The following ZNF189 variants were observed in gnomAD, a reference collection of about 807,000 sequenced individuals.
ZNF189 encodes the protein zinc finger protein 189.
In ZNF189, 33 loss-of-function variants were observed where a neutral mutation model predicts 53.5. That is an observed-to-expected ratio of 0.62 (90% CI 0.47 to 0.82). The LOEUF (loss-of-function observed/expected upper bound fraction) is 0.82. Ranked by LOEUF, ZNF189 falls within the 40% of genes least tolerant of loss-of-function variation. The pLI, the probability that ZNF189 is intolerant of heterozygous loss-of-function variation, is 0.00. For missense variants in ZNF189, 711 were observed against 753.9 expected (o/e 0.94, Z 0.67); for synonymous variants, 247 against 238.8 (o/e 1.03, Z -0.32).
Position 101,408,937 on chromosome 9 carries a change from A to G in ZNF189, c.1169A>G (p.His390Arg), listed in dbSNP as rs1165930358. 1 of 1,614,094 alleles carries G rather than the reference A, an allele frequency of 6.2e-7. No homozygotes were observed. The highest frequency in any genetic ancestry group is 1.1e-5 in the South Asian group (1 of 91,058). ...SFSQLCNLTRHQRIHTGDKPH... is the reference protein window; with the variant it reads ...SFSQLCNLTRRQRIHTGDKPH... Reference sequence around the variant, plus strand: ...AGTCAGCTTTGCAACCTTACTCGTCATCAGAGAATTCACACAGGAGACAAG... The same window carrying G: ...AGTCAGCTTTGCAACCTTACTCGTCGTCAGAGAATTCACACAGGAGACAAG... The change falls in exon 3 of 3, where the codon CAT becomes CGT. Residue 390 changes from histidine (H) to arginine (R), a missense_variant. Coordinates refer to ENST00000339664, the MANE Select transcript of ZNF189 (RefSeq NM_003452.4).
chr9:101,407,867 C>G, intron 2 of ZNF189, 62 bp from the exon 3 acceptor site: 1 of 1,434,664 alleles, frequency 7.0e-7, no homozygotes, highest in African/African-American at 1.4e-5. Context: ...GCCCATCTTA[C>G]TTTGTTTCTC....
At position 101,399,180 on chromosome 9, in the gene ZNF189, G is replaced by T; in HGVS notation, c.24G>T (p.Pro8=). MASPSPP[P]ESKGLLTFED... ...AGATGGCTTCCCCGAGCCCCCCGCC[G>T]GAGTCGAAGGTAAGTAAGCACCCCC... is the stretch of plus-strand genomic sequence containing the variant. The change falls in exon 1 of 3, where the codon CCG becomes CCT. Residue 8 remains proline (P), a synonymous_variant. Transcript: ENST00000339664. 6.3e-7 allele frequency: 1 copy of T among 1,591,708 alleles called. No homozygotes were observed. The highest frequency in any genetic ancestry group is 1.1e-5 in the South Asian group (1 of 89,774).
rs951309327 is a variant in ZNF189, at chr9:101,409,492, A to G, written c.1724A>G (p.Lys575Arg). Residue 575 changes from lysine (K) to arginine (R), a missense_variant, in exon 3 of 3, where the codon AAA becomes AGA. Coordinates refer to ENST00000339664, the MANE Select transcript of ZNF189 (RefSeq NM_003452.4). ...CCTTATAAGTGTGAGAAGTGCGACA[A>G]AAGTTTCAGTCAACAGCGCAGTCTT... ...EKPYKCEKCD[K>R]SFSQQRSLVN... The G allele has an allele frequency of 1.2e-6, 2 of 1,614,132 alleles. No homozygotes were observed. Among genetic ancestry groups the G allele is most frequent in the Non-Finnish European group, 1.7e-6 (2 of 1,180,016 alleles).
At position 101,409,400 on chromosome 9, in the gene ZNF189, A is replaced by C. The variant is rs142136220; in HGVS notation, c.1632A>C (p.Glu544Asp). The C allele has an allele frequency of 1.2e-6, 2 of 1,614,082 alleles. No homozygotes were observed. Among genetic ancestry groups the C allele is most frequent in the Admixed American group, 3.3e-5 (2 of 60,000 alleles). Residue 544 changes from glutamate to aspartate, a missense_variant, in exon 3 of 3, where the codon GAA (glutamate) becomes GAC (aspartate). Coordinates refer to ENST00000339664, the MANE Select transcript of ZNF189 (RefSeq NM_003452.4). ...HTGNKPHKCD[E>D]CGKAFSRNSG... ...GTAATAAACCCCATAAATGTGATGAATGTGGAAAGGCCTTTAGCCGGAACT... is the reference window on the plus strand; with the variant it reads ...GTAATAAACCCCATAAATGTGATGACTGTGGAAAGGCCTTTAGCCGGAACT...
rs1311229258 is a variant in ZNF189, at chr9:101,408,057, G to A, written c.289G>A (p.Gly97Ser). The A allele has an allele frequency of 3.3e-5, 54 of 1,613,854 alleles. No individual in the cohort carries two copies. Among genetic ancestry groups the A allele is most frequent in the Non-Finnish European group, 4.4e-5 (52 of 1,179,986 alleles). The change falls in exon 3 of 3, where the codon GGT (glycine) becomes AGT (serine). Residue 97 changes from glycine to serine, a missense_variant. Gly to Ser is a moderately conservative substitution (Grantham distance 56, BLOSUM62 0). Coordinates refer to ENST00000339664, the MANE Select transcript of ZNF189 (RefSeq NM_003452.4). ...AAGTGAAATTGACCAGGATCCTATG[G>A]GTAGAGAAACATTTGAACTTGTTGG... ...IKSEIDQDPMGRETFELVGRL... is the reference protein window; with the variant it reads ...IKSEIDQDPMSRETFELVGRL...
chr9:101,400,753 C>G (rs1830503025), intron 2 of ZNF189, among the ~76,000 whole-genome samples: 2 of 152,206 alleles, frequency 1.3e-5, no homozygotes, highest in Non-Finnish European at 2.9e-5. Context: ...ATTGATCATA[C>G]CAGTTTTGTC....
rs896964590 is a variant in ZNF189 at position 101,408,547 on chromosome 9, A to G, written c.779A>G (p.His260Arg). The stretch of plus-strand genomic sequence containing the variant: ...AGGATTCATACAGGTGAGAAACCCC[A>G]TAAATGTAGTGACTGTGGGAAAGCC... ...HQRIHTGEKPHKCSDCGKAFS... is the reference protein window; with the variant it reads ...HQRIHTGEKPRKCSDCGKAFS... The change falls in exon 3 of 3, where the codon CAT becomes CGT. Residue 260 changes from histidine to arginine, a missense_variant. Physicochemically the swap from His to Arg is conservative, Grantham distance 29. Coordinates refer to ENST00000339664, the MANE Select transcript of ZNF189 (RefSeq NM_003452.4). 8 of 1,614,102 alleles carry G rather than the reference A, an allele frequency of 5.0e-6. No individual in the cohort carries two copies. The highest frequency in any genetic ancestry group is 6.8e-6 in the Non-Finnish European group (8 of 1,180,046).
At position 101,409,427 on chromosome 9, in the gene ZNF189, G is replaced by A. The variant is rs371040202; in HGVS notation, c.1659G>A (p.Ser553=). The change falls in exon 3 of 3, where the codon TCG becomes TCA. Residue 553 remains serine (S), a synonymous_variant. Coordinates refer to ENST00000339664, the MANE Select transcript of ZNF189 (RefSeq NM_003452.4). ...GTGGAAAGGCCTTTAGCCGGAACTC[G>A]GGTCTTATTCAGCATCAGAGAATAC... ...DECGKAFSRN[S]GLIQHQRIHT... 8.1e-6 allele frequency: 13 copies of A among 1,613,888 alleles called. No individual in the cohort carries two copies. The highest frequency in any genetic ancestry group is 5.3e-5 in the African/African-American group (4 of 74,958).
intron 2 of ZNF189, among the ~76,000 whole-genome samples, chr9:101,405,551 A>C (rs1356463921): frequency 6.6e-6 from 1 of 152,138 alleles, no homozygotes; most frequent in Non-Finnish European, 1.5e-5. Flanking sequence ...TTAACTGGAG[A>C]TATCTGGAGG....
chr9:101,406,110 T>C (rs890547922), intron 2 of ZNF189, among the ~76,000 whole-genome samples: 1 of 151,666 alleles, frequency 6.6e-6, no homozygotes, highest in Non-Finnish European at 1.5e-5. Flanking sequence ...GGTAATCTAA[T>C]GAGAAGTTTC....
rs1242804910 is a variant in ZNF189 at position 101,409,860 on chromosome 9, TTATC to T, written c.*214_*217del. ...TGATCGTAGAGAAAGACTTGGTAAT[TTATC>T]TAAGTATCTTTAATAAATCTTTCAG... On this transcript the variant is annotated 3_prime_UTR_variant, in exon 3 of 3. Coordinates refer to ENST00000339664, the MANE Select transcript of ZNF189 (RefSeq NM_003452.4). 1 of 549,020 alleles carries T rather than the reference TTATC, an allele frequency of 1.8e-6. No individual in the cohort carries two copies. The allele number at this position is 549,020 out of a possible 1,614,324, so 34.0% of individuals were successfully genotyped here.
rs372115984 is a variant in ZNF189, at chr9:101,400,365, C to T, written c.160+355C>T. Among the ~76,000 whole-genome samples the T allele has an allele frequency of 6.6e-5, 10 of 152,286 alleles. No individual in the cohort carries two copies. In the East Asian group the frequency reaches 1.9e-3, roughly 30 times the overall value. On this transcript the variant is annotated intron_variant, in intron 2 of 2. Transcript: ENST00000339664. ...TCCTGGCCTTAACTGAAACCTGGCA[C>T]TATCCCAAGGACAACGTTTCTCTGG...
intron 2 of ZNF189, among the ~76,000 whole-genome samples, chr9:101,405,025 G>T (rs1564068732): frequency 1.3e-5 from 2 of 152,172 alleles, no homozygotes; most frequent in African/African-American, 4.8e-5. Context: ...AAACAGTGTT[G>T]AGGGACATTT....
At chr9:101,402,499 A>G (rs1178009928) in intron 2 of ZNF189, among the ~76,000 whole-genome samples, 1 of 152,178 alleles carries the variant, frequency 6.6e-6, no homozygotes, top group African/African-American at 2.4e-5. Context: ...TTGAGTTTCC[A>G]ATTCCTAGTC....
chr9:101,401,105 T>G (rs937840137), intron 2 of ZNF189, among the ~76,000 whole-genome samples: 1 of 152,236 alleles, frequency 6.6e-6, no homozygotes, highest in Non-Finnish European at 1.5e-5. Context: ...AAATTCACCT[T>G]TCTCTCTTTC....
chr9:101,399,674 A>C, intron 1 of ZNF189: 1 of 1,232,176 alleles, frequency 8.1e-7, no homozygotes, highest in Non-Finnish European at 1.1e-6. Context: ...AGGGCATAAT[A>C]AATCAGAAAA....
chr9:101,408,559 A>G lies in ZNF189; in HGVS notation c.791A>G (p.Asp264Gly). The G allele has an allele frequency of 6.2e-7, 1 of 1,614,202 alleles. No homozygotes were observed. Among genetic ancestry groups the G allele is most frequent in the Non-Finnish European group, 8.5e-7 (1 of 1,180,032 alleles). ...HTGEKPHKCS[D>G]CGKAFSWKSH... ...GGTGAGAAACCCCATAAATGTAGTG[A>G]CTGTGGGAAAGCCTTCAGTTGGAAA... The change falls in exon 3 of 3, where the codon GAC becomes GGC. Residue 264 changes from aspartate (D) to glycine (G), a missense_variant. Transcript: ENST00000339664.
rs142809473 is a variant in ZNF189, at chr9:101,408,605, A to G, written c.837A>G (p.Gln279=). The G allele has an allele frequency of 1.7e-4, 271 of 1,614,140 alleles. 2 individuals carry two copies. In the African/African-American group the frequency reaches 3.2e-3, roughly 19 times the overall value. Residue 279 remains glutamine (Q), a synonymous_variant, in exon 3 of 3, where the codon CAA becomes CAG. Coordinates refer to ENST00000339664, the MANE Select transcript of ZNF189 (RefSeq NM_003452.4). ...FSWKSHLIEH[Q]RTHTGEKPYH... The stretch of plus-strand genomic sequence containing the variant: ...GGAAATCACACCTTATTGAGCATCA[A>G]AGAACTCACACTGGTGAGAAACCTT...
chr9:101,399,318 A>G lies in ZNF189; in HGVS notation c.33+129A>G, dbSNP rs139591540. ...TCTTTAGGGCCAGCGCCTTGCAAGG[A>G]ACTCCCCACTAGTGCATTGGGGTGC... On this transcript the variant is annotated intron_variant, in intron 1 of 2. Coordinates refer to ENST00000339664, the MANE Select transcript of ZNF189 (RefSeq NM_003452.4). The G allele has an allele frequency of 1.8e-4, 259 of 1,430,444 alleles. No individual in the cohort carries two copies. The African/African-American group carries it at 3.6e-3, about 20-fold the overall frequency. The allele number at this position is 1,430,444 out of a possible 1,614,324, so 88.6% of individuals were successfully genotyped here. A position where few individuals can be genotyped will look rare whatever the true frequency, so the allele number is the denominator to read the frequency against.
Sources: gnomAD v4.1 joint callset for allele counts (sites outside exome capture counted in the v4.1 genomes callset) on GRCh38, gnomAD v4.1.1 for gene constraint, MANE v1.5 for transcripts, NCBI Gene and HGNC (gene_info 2026-07-23, HGNC 2026-07-21) for gene names.